Variants in TMPRSS11D observed in about 807,000 individuals in gnomAD.
The protein encoded by TMPRSS11D is transmembrane serine protease 11D, also known as transmembrane protease serine 11D.
TMPRSS11D carries 32 observed loss-of-function variants against 44.4 expected under a neutral mutation model. The ratio of observed to expected loss-of-function variants is 0.72; its 90% CI spans 0.54 to 0.97. The LOEUF (loss-of-function observed/expected upper bound fraction) is 0.97. Ranked by LOEUF, TMPRSS11D falls within the 50% of genes least tolerant of loss-of-function variation. The pLI is 0.00. For synonymous variants in TMPRSS11D, 179 were observed against 177.9 expected, an observed-to-expected ratio of 1.01 and a Z score of -0.05; for missense variants, 446 against 502.6, an observed-to-expected ratio of 0.89 and a Z score of 1.08.
chr4:67,860,964 G>A (rs1055002020), intron 1 of TMPRSS11D, among the ~76,000 whole-genome samples: 3 of 152,088 alleles, frequency 2.0e-5, no homozygotes, highest in Non-Finnish European at 4.4e-5. Context: ...ACTGGAACTA[G>A]TAACATTTCA....
chr4:67,857,848 C>A (rs1325575752), intron 2 of TMPRSS11D, among the ~76,000 whole-genome samples: 1 of 152,050 alleles, frequency 6.6e-6, no homozygotes, highest in Non-Finnish European at 1.5e-5. Context: ...TTCAAAGTAG[C>A]TAGAAAAGAG....
intron 6 of TMPRSS11D, 47 bp from the exon 7 acceptor site, chr4:67,833,428 A>G (rs1241225048): frequency 7.3e-7 from 1 of 1,366,498 alleles, no homozygotes; most frequent in Non-Finnish European, 9.6e-7. Context: ...TGATTCCTTT[A>G]CATTTGGAAG....
intron 5 of TMPRSS11D, among the ~76,000 whole-genome samples, chr4:67,836,283 T>C (rs1718085853): frequency 6.6e-6 from 1 of 152,170 alleles, no homozygotes; most frequent in Admixed American, 6.6e-5. Context: ...CACCTCTACC[T>C]TACCAGACTG....
chr4:67,836,486 T>C (rs1718092986), intron 5 of TMPRSS11D, among the ~76,000 whole-genome samples: 1 of 152,180 alleles, frequency 6.6e-6, no homozygotes, highest in Non-Finnish European at 1.5e-5. Context: ...CACATTTGTT[T>C]TGCAAACTTC....
At chr4:67,840,921 G>T (rs977943683) in intron 4 of TMPRSS11D, among the ~76,000 whole-genome samples, 2 of 151,960 alleles carry the variant, frequency 1.3e-5, no homozygotes, top group African/African-American at 4.8e-5. Flanking sequence ...GCAATAAATG[G>T]GTTACACAGA....
intron 1 of TMPRSS11D, among the ~76,000 whole-genome samples, chr4:67,867,515 A>C (rs903328388): frequency 1.3e-5 from 2 of 152,198 alleles, no homozygotes; most frequent in African/African-American, 2.4e-5. Flanking sequence ...TGCACAGCAA[A>C]AGAAATAATC....
In TMPRSS11D at chr4:67,827,455, A is replaced by T; in HGVS notation, c.758T>A (p.Met253Lys). ...ATGAATTAAAATATTTCTTACTCTC[A>T]TTCTTAGTTTAGGAAATGTTGTGGA... The part of the protein sequence containing the change: ...GISTTFPKLR[M>K]RVRNILIHNN... The change falls in exon 8 of 10, where the codon ATG (methionine) becomes AAG (lysine). Residue 253 changes from methionine to lysine, a missense_variant. Transcript: ENST00000283916. 1 of 1,610,960 alleles carries T rather than the reference A, an allele frequency of 6.2e-7. No homozygotes were observed. Among genetic ancestry groups the T allele is most frequent in the Non-Finnish European group, 8.5e-7 (1 of 1,177,816 alleles).
At chr4:67,854,367 T>C (rs1162751087) in intron 2 of TMPRSS11D, among the ~76,000 whole-genome samples, 181 bp from the exon 3 acceptor site, 2 of 152,210 alleles carry the variant, frequency 1.3e-5, no homozygotes, top group African/African-American at 4.8e-5. Flanking sequence ...TTTAAAAAGA[T>C]TGGCAAAGCC....
intron 1 of TMPRSS11D, among the ~76,000 whole-genome samples, chr4:67,881,941 C>T (rs1355423909): frequency 6.6e-6 from 1 of 152,194 alleles, no homozygotes; most frequent in Non-Finnish European, 1.5e-5. Flanking sequence ...TATCCTATTT[C>T]CCAAACCTCA....
intron 5 of TMPRSS11D, among the ~76,000 whole-genome samples, chr4:67,835,885 G>A (rs988219046): frequency 6.6e-6 from 1 of 152,110 alleles, no homozygotes. Context: ...TTAGGGAAAT[G>A]GAGGGTGAGC....
chr4:67,834,962 G>A (rs942849870), intron 6 of TMPRSS11D, 121 bp downstream of exon 6: 13 of 855,378 alleles, frequency 1.5e-5, no homozygotes, highest in Middle Eastern at 2.7e-4. Flanking sequence ...CCACCTGAGC[G>A]AACTAAGAAC....
At chr4:67,876,797 C>A (rs1029572145) in intron 1 of TMPRSS11D, among the ~76,000 whole-genome samples, 3 of 152,166 alleles carry the variant, frequency 2.0e-5, no homozygotes, top group Admixed American at 1.3e-4. Flanking sequence ...CTATTGAATA[C>A]TTATTGCAAT....
At chr4:67,852,337 G>A (rs1480889547) in intron 3 of TMPRSS11D, among the ~76,000 whole-genome samples, 1 of 152,250 alleles carries the variant, frequency 6.6e-6, no homozygotes, top group Admixed American at 6.5e-5. Context: ...GGGGCTCCGA[G>A]AAGAAAAGGG....
intron 2 of TMPRSS11D, among the ~76,000 whole-genome samples, chr4:67,856,971 A>G (rs1349804060): frequency 6.6e-6 from 1 of 152,124 alleles, no homozygotes; most frequent in Non-Finnish European, 1.5e-5. Flanking sequence ...ATTACCAAAA[A>G]GACAGAAAAT....
chr4:67,859,691 A>G lies in TMPRSS11D; in HGVS notation c.9-13T>C. On this transcript the variant is annotated splice_polypyrimidine_tract_variant and intron_variant, in intron 1 of 9. Transcript: ENST00000283916. ...TACACGTGCTGGCCTTACAAGAGAG[A>G]GAGATCAAAGAAAGTCATTCATTTC... 5 of 1,611,654 alleles carry G rather than the reference A, an allele frequency of 3.1e-6. No individual in the cohort carries two copies. The highest frequency in any genetic ancestry group is 4.2e-6 in the Non-Finnish European group (5 of 1,178,360).
At chr4:67,864,863 A>G (rs1718881835) in intron 1 of TMPRSS11D, among the ~76,000 whole-genome samples, 1 of 151,944 alleles carries the variant, frequency 6.6e-6, no homozygotes, top group Admixed American at 6.6e-5. Context: ...TAGAGCACCC[A>G]TATTCATAAA....
intron 5 of TMPRSS11D, among the ~76,000 whole-genome samples, chr4:67,836,217 C>T (rs1176917127): frequency 6.6e-6 from 1 of 152,112 alleles, no homozygotes; most frequent in African/African-American, 2.4e-5. Flanking sequence ...GACATCAGTA[C>T]AGTTACAATA....
chr4:67,870,697 C>T (rs975870148), intron 1 of TMPRSS11D, among the ~76,000 whole-genome samples: 1 of 151,094 alleles, frequency 6.6e-6, no homozygotes, highest in African/African-American at 2.4e-5. Flanking sequence ...GCCTATAGTC[C>T]CAGCTACTCA....
intron 3 of TMPRSS11D, among the ~76,000 whole-genome samples, chr4:67,845,550 A>G (rs1411766062): frequency 3.3e-5 from 5 of 152,132 alleles, no homozygotes; most frequent in African/African-American, 9.6e-5. Flanking sequence ...TCTACTTTTC[A>G]TAAGTTTTAC....
Sources: allele counts gnomAD v4.1 joint callset (sites outside exome capture counted in the v4.1 genomes callset), GRCh38; gene constraint gnomAD v4.1.1; transcripts MANE v1.5; gene names NCBI Gene and HGNC (gene_info 2026-07-23, HGNC 2026-07-21).